RBM25: variants seen among roughly 807,000 people sequenced by gnomAD.
RBM25 encodes RNA-binding protein 25.
In RBM25, 19 loss-of-function variants were observed where a neutral mutation model predicts 120.7. The observed-to-expected ratio is 0.16, with a 90% confidence interval of 0.11 to 0.23. RBM25 has a LOEUF of 0.23. RBM25 is among the 10% of genes least tolerant of loss of function. The probability of loss-of-function intolerance (pLI) is 1.00; values close to 1 mark genes in which losing one functional copy is unlikely to be tolerated. For missense variants in RBM25, 605 were observed against 1,041.5 expected (o/e 0.58, Z 5.77); for synonymous variants, 390 against 326.7 (o/e 1.19, Z -2.09).
chr14:73,115,381 T>C (rs1355547135), intron 18 of RBM25, among the ~76,000 whole-genome samples: 1 of 152,180 alleles, frequency 6.6e-6, no homozygotes. Context: ...TTCGTTCATG[T>C]TTTTTCATCA....
At chr14:73,100,938 T>A (rs1209650074) in intron 9 of RBM25, 1 of 152,220 alleles carries the variant, frequency 6.6e-6, no homozygotes, top group Non-Finnish European at 1.5e-5. Flanking sequence ...CGAGTAAGCT[T>A]AAAAATGGTA....
intron 2 of RBM25, among the ~76,000 whole-genome samples, 183 bp from the exon 3 acceptor site, chr14:73,076,136 G>A (rs1411984985): frequency 6.6e-6 from 1 of 152,148 alleles, no homozygotes; most frequent in Non-Finnish European, 1.5e-5. Context: ...TTTTTTGTAA[G>A]TTTATATGGA....
rs766461418 is a variant in RBM25, at chr14:73,080,213, C to CTTTTTTTTTTTTTTT, written c.324+2691_324+2705dup. Among the ~76,000 whole-genome samples, 23 of 67,196 alleles carry CTTTTTTTTTTTTTTT rather than the reference C, an allele frequency of 3.4e-4. 3 individuals are homozygous for CTTTTTTTTTTTTTTT. The highest frequency in any genetic ancestry group is 5.7e-4 in the African/African-American group (9 of 15,804). The allele number at this position is 67,196 out of a possible 152,430, so 44.1% of individuals were successfully genotyped here. Reference sequence around the variant, plus strand: ...TGTCCGAGTTTCTATTCTTACACATCTTTTTTTTTTTTTTTTTTTTTTTTT... The same window carrying CTTTTTTTTTTTTTTT: ...TGTCCGAGTTTCTATTCTTACACATCTTTTTTTTTTTTTTTTTTTTTTTTTTTTTTTTTTTTTTTT... On this transcript the variant is annotated intron_variant, in intron 4 of 18. Coordinates refer to ENST00000261973, the MANE Select transcript of RBM25 (RefSeq NM_021239.3).
At chr14:73,069,085 G>T (rs578236105) in intron 1 of RBM25, among the ~76,000 whole-genome samples, 68 of 152,078 alleles carry the variant, frequency 4.5e-4, no homozygotes, top group African/African-American at 1.5e-3. Flanking sequence ...TGTATTTTTA[G>T]TAGAGATGGG....
chr14:73,073,159 G>T (rs1015230167), intron 2 of RBM25, among the ~76,000 whole-genome samples: 4 of 152,012 alleles, frequency 2.6e-5, no homozygotes, highest in Non-Finnish European at 5.9e-5. Context: ...GAACTTCTGG[G>T]GTCAAGGTAT....
rs1218930370 is a variant in RBM25 at position 73,071,667 on chromosome 14, G to A, written c.26G>A (p.Arg9His). 6.2e-7 allele frequency: 1 copy of A among 1,613,444 alleles called. No individual in the cohort carries two copies. Among genetic ancestry groups the A allele is most frequent in the African/African-American group, 1.3e-5 (1 of 74,922 alleles). The change falls in exon 2 of 19, where the codon CGC becomes CAC. Residue 9 changes from arginine (R) to histidine (H), a missense_variant. By Grantham distance (29) the Arg-to-His change is conservative (BLOSUM62 0). Coordinates refer to ENST00000261973, the MANE Select transcript of RBM25 (RefSeq NM_021239.3). ...ATGTCTTTTCCACCTCATTTGAATCGCCCTCCCATGGGAATCCCAGCACTC... is the reference window on the plus strand; with the variant it reads ...ATGTCTTTTCCACCTCATTTGAATCACCCTCCCATGGGAATCCCAGCACTC... MSFPPHLN[R>H]PPMGIPALPP...
chr14:73,119,115 C>CT (rs2140469788), intron 18 of RBM25, among the ~76,000 whole-genome samples: 1 of 152,146 alleles, frequency 6.6e-6, no homozygotes, highest in South Asian at 2.1e-4. Context: ...GACAAATTTT[C>CT]TTTAAGTCAT....
In RBM25 at chr14:73,111,625, C is replaced by T. The variant is rs779408021; in HGVS notation, c.2115C>T (p.Asp705=). 49 of 1,613,902 alleles carry T rather than the reference C, an allele frequency of 3.0e-5. No homozygotes were observed. In the East Asian group the frequency reaches 9.1e-4, roughly 30 times the overall value. ...AATTTGAGGATGAAGACAGTGATGA[C>T]GTACCCCGAAAAAGGAAACTGGTTC... ...FNKFEDEDSD[D]VPRKRKLVPL... Residue 705 remains aspartate (D), a synonymous_variant, in exon 16 of 19, where the codon GAC becomes GAT. Transcript: ENST00000261973.
At chr14:73,097,134 C>T (rs3025762) in intron 7 of RBM25, 34 bp downstream of exon 7, 20,357 of 1,450,554 alleles carry the variant, frequency 0.014, 221 homozygotes, top group Admixed American at 0.065. Context: ...TCATTTCTAC[C>T]GTTTGTTTTT....
chr14:73,116,989 A>G (rs938660650), intron 18 of RBM25, among the ~76,000 whole-genome samples: 2 of 152,046 alleles, frequency 1.3e-5, no homozygotes, highest in Non-Finnish European at 2.9e-5. Context: ...ACTTCTTTAT[A>G]TTATACCTTT....
rs980708931 is a variant in RBM25 at position 73,062,063 on chromosome 14, C to T, written c.-16+3358C>T. On this transcript the variant is annotated intron_variant, in intron 1 of 18. Transcript: ENST00000261973. ...CTTAGCATGAACACCTGATCAGTAGCGTGCTGCAGCCCAGAACTCCAGGGC... is the reference window on the plus strand; with the variant it reads ...CTTAGCATGAACACCTGATCAGTAGTGTGCTGCAGCCCAGAACTCCAGGGC... Among the ~76,000 whole-genome samples, 13 of 151,232 alleles carry T rather than the reference C, an allele frequency of 8.6e-5. 1 individual carries two copies. Among genetic ancestry groups the T allele is most frequent in the Non-Finnish European group, 1.3e-4 (9 of 67,498 alleles).
At chr14:73,110,273 C>T (rs1387916886) in intron 14 of RBM25, among the ~76,000 whole-genome samples, 2 of 151,578 alleles carry the variant, frequency 1.3e-5, no homozygotes, top group Non-Finnish European at 1.5e-5. Context: ...CCCTCTGCCT[C>T]CTGGGCAAGT....
At chr14:73,093,736 A>C (rs1031483878) in intron 6 of RBM25, among the ~76,000 whole-genome samples, 4 of 151,408 alleles carry the variant, frequency 2.6e-5, no homozygotes, top group Admixed American at 2.0e-4. Context: ...CAAACTCTGG[A>C]CCTCAGGTGG....
intron 9 of RBM25, chr14:73,100,249 CTG>C: frequency 1.5e-6 from 1 of 645,730 alleles, no homozygotes; most frequent in East Asian, 2.8e-5. Flanking sequence ...CATGGAAGAA[CTG>C]TAAATTCCCA....
intron 1 of RBM25, among the ~76,000 whole-genome samples, chr14:73,061,097 A>G (rs1894994445): frequency 6.8e-6 from 1 of 147,698 alleles, no homozygotes; most frequent in Admixed American, 6.9e-5. Flanking sequence ...TCGCTCTGTC[A>G]CCCAGGCTGG....
At chr14:73,093,749 C>G (rs186732490) in intron 6 of RBM25, among the ~76,000 whole-genome samples, 103 of 152,068 alleles carry the variant, frequency 6.8e-4, no homozygotes, top group Admixed American at 6.7e-3. Flanking sequence ...TCAGGTGGTC[C>G]ACCCGCCTCG....
At chr14:73,062,770 T>G (rs557609710) in intron 1 of RBM25, among the ~76,000 whole-genome samples, 1 of 151,426 alleles carries the variant, frequency 6.6e-6, no homozygotes, top group East Asian at 1.9e-4. Flanking sequence ...ATGCATATAC[T>G]TGTGTGACCA....
chr14:73,105,820 G>T, intron 10 of RBM25, 39 bp from the exon 11 acceptor site: 1 of 1,594,080 alleles, frequency 6.3e-7, no homozygotes, highest in Non-Finnish European at 8.5e-7. Context: ...AAAACAGAAA[G>T]TAGACTGACA....
intron 5 of RBM25, among the ~76,000 whole-genome samples, chr14:73,085,973 C>T (rs1332440657): frequency 6.6e-6 from 1 of 151,650 alleles, no homozygotes; most frequent in Non-Finnish European, 1.5e-5. Context: ...CTGCACTTTA[C>T]ATCTCCAGTG....
Sources: allele counts gnomAD v4.1 joint callset (sites outside exome capture counted in the v4.1 genomes callset), GRCh38; gene constraint gnomAD v4.1.1; transcripts MANE v1.5; gene names NCBI Gene and HGNC (gene_info 2026-07-23, HGNC 2026-07-21).